TEAD4: variants seen among roughly 807,000 people sequenced by gnomAD.
The protein encoded by TEAD4 is TEA domain transcription factor 4, also known as transcriptional enhancer factor TEF-3.
Under a neutral mutation model 52.4 loss-of-function variants are expected in TEAD4, and 36 were observed. That is an observed-to-expected ratio of 0.69 (90% CI 0.53 to 0.91). TEAD4 has a LOEUF of 0.91. Among genes scored for constraint, TEAD4 ranks in the 40% least tolerant of loss-of-function variants. The pLI is 0.00. For synonymous variants in TEAD4, 220 were observed against 231.0 expected (o/e 0.95, Z 0.43); for missense variants, 508 against 583.9 (o/e 0.87, Z 1.34).
intron 6 of TEAD4, 69 bp downstream of exon 6, chr12:3,017,595 G>A (rs1454711656): frequency 6.6e-7 from 1 of 1,523,692 alleles, no homozygotes; most frequent in African/African-American, 1.4e-5. Flanking sequence ...GTTCAGAAGA[G>A]CCAGAAGCAT....
At chr12:3,016,747 G>A (rs1006266530) in intron 5 of TEAD4, among the ~76,000 whole-genome samples, 1 of 152,152 alleles carries the variant, frequency 6.6e-6, no homozygotes, top group African/African-American at 2.4e-5. Flanking sequence ...TATAACAAAC[G>A]ATTACTATTG....
At chr12:2,965,824 G>A (rs1352011406) in intron 2 of TEAD4, among the ~76,000 whole-genome samples, 2 of 152,162 alleles carry the variant, frequency 1.3e-5, no homozygotes, top group Non-Finnish European at 2.9e-5. Context: ...GATTACAGGC[G>A]TGAGCCACCG....
chr12:2,972,491 CTT>C (rs751852771), intron 2 of TEAD4, among the ~76,000 whole-genome samples: 2,257 of 34,600 alleles, frequency 0.065, 9 homozygotes, highest in South Asian at 0.1. Flanking sequence ...CAGCATGTCT[CTT>C]TTTTTTTTTT....
chr12:3,027,171 T>C (rs2098272599), intron 10 of TEAD4, among the ~76,000 whole-genome samples: 1 of 152,168 alleles, frequency 6.6e-6, no homozygotes, highest in Non-Finnish European at 1.5e-5. Context: ...TTTGTATTTT[T>C]AGTAGAGAGA....
In TEAD4 at chr12:2,994,630, G is replaced by C. The variant is rs1316823744; in HGVS notation, c.-29-108G>C. 1 of 1,390,128 alleles carries C rather than the reference G, an allele frequency of 7.2e-7. No individual in the cohort carries two copies. The highest frequency in any genetic ancestry group is 1.5e-5 in the African/African-American group (1 of 68,654). The allele number at this position is 1,390,128 out of a possible 1,614,324, so 86.1% of individuals were successfully genotyped here. A position where few individuals can be genotyped will look rare whatever the true frequency, so the allele number is the denominator to read the frequency against. On this transcript the variant is annotated intron_variant, in intron 2 of 12. Transcript: ENST00000359864. The surrounding 1 kb of genome is among the most constrained non-coding windows in gnomAD (Gnocchi z 4.7). ...TCACAGATCTTTCACTTCACGCTTT[G>C]CTTCCTGAGCAACTGATTCGGGCTC... is the stretch of plus-strand genomic sequence containing the variant.
intron 3 of TEAD4, among the ~76,000 whole-genome samples, chr12:3,006,093 T>C (rs888246660): frequency 3.3e-4 from 50 of 152,240 alleles, no homozygotes; most frequent in African/African-American, 1.2e-3. Context: ...AATTATTTGA[T>C]TCAATCATTG....
At chr12:3,020,846 G>A (rs942175585) in intron 9 of TEAD4, 73 bp downstream of exon 9, 2 of 1,434,954 alleles carry the variant, frequency 1.4e-6, no homozygotes, top group Non-Finnish European at 1.8e-6. Context: ...CGGCAGTCTT[G>A]CCCCACTCCA....
At chr12:2,995,637 G>A (rs1291250747) in intron 3 of TEAD4, among the ~76,000 whole-genome samples, 8 of 152,076 alleles carry the variant, frequency 5.3e-5, no homozygotes, top group African/African-American at 1.7e-4. Context: ...ACTGTTCAGC[G>A]ATGCATGGGA....
In TEAD4 at chr12:3,011,176, G is replaced by A. The variant is rs556863503; in HGVS notation, c.291+108G>A. On this transcript the variant is annotated intron_variant, in intron 4 of 12. Transcript: ENST00000359864. ...GACCAGACGCAGGCTTTTGAGGGGCGGCAGCTCTGGATGAGTTATCCCTGT... is the reference window on the plus strand; with the variant it reads ...GACCAGACGCAGGCTTTTGAGGGGCAGCAGCTCTGGATGAGTTATCCCTGT... The A allele has an allele frequency of 1.5e-5, 17 of 1,109,156 alleles. No homozygotes were observed. The East Asian group carries it at 3.4e-4, about 22-fold the overall frequency. The allele number at this position is 1,109,156 out of a possible 1,614,324, so 68.7% of individuals were successfully genotyped here. A position where few individuals can be genotyped will look rare whatever the true frequency, so the allele number is the denominator to read the frequency against.
At chr12:3,027,888 C>T (rs921373436) in intron 10 of TEAD4, among the ~76,000 whole-genome samples, 3 of 152,094 alleles carry the variant, frequency 2.0e-5, no homozygotes, top group Admixed American at 6.6e-5. Context: ...TATACAATTC[C>T]GAGTTTTTAA....
At chr12:3,019,277 C>T in intron 8 of TEAD4, 107 bp downstream of exon 8, 1 of 1,281,248 alleles carries the variant, frequency 7.8e-7, no homozygotes, top group Non-Finnish European at 1.1e-6. Flanking sequence ...TAGATGCTGC[C>T]CCGTCATGCA....
At chr12:2,982,740 C>T (rs1231367780) in intron 2 of TEAD4, among the ~76,000 whole-genome samples, 1 of 152,220 alleles carries the variant, frequency 6.6e-6, no homozygotes, top group Admixed American at 6.5e-5. Context: ...GGCCCAGGGC[C>T]TTGGATGACC....
At chr12:3,003,658 G>C (rs371391502) in intron 3 of TEAD4, among the ~76,000 whole-genome samples, 1 of 152,186 alleles carries the variant, frequency 6.6e-6, no homozygotes, top group East Asian at 1.9e-4. Flanking sequence ...GTGGGGCCGT[G>C]GGTGTGAGCT....
Position 3,011,073 on chromosome 12 carries a change from G to T in TEAD4, c.291+5G>T, listed in dbSNP as rs1246672941. 1 of 1,613,932 alleles carries T rather than the reference G, an allele frequency of 6.2e-7. No individual in the cohort carries two copies. The highest frequency in any genetic ancestry group is 8.5e-7 in the Non-Finnish European group (1 of 1,179,978). ...AAGACCCGCACCAGGAAGCAGGTGGGCCTCAAGAGACGGGTAGGGGTCCCG... is the reference window on the plus strand; with the variant it reads ...AAGACCCGCACCAGGAAGCAGGTGGTCCTCAAGAGACGGGTAGGGGTCCCG... On this transcript the variant is annotated splice_donor_5th_base_variant and intron_variant, in intron 4 of 12. Coordinates refer to ENST00000359864, the MANE Select transcript of TEAD4 (RefSeq NM_003213.4).
chr12:3,012,357 A>T (rs1007586494), intron 5 of TEAD4, 125 bp downstream of exon 5: 28 of 1,096,448 alleles, frequency 2.6e-5, no homozygotes, highest in Non-Finnish European at 3.4e-5. Context: ...TGTTGAGGAG[A>T]GCCAGGTTGG....
intron 3 of TEAD4, among the ~76,000 whole-genome samples, chr12:2,997,365 G>T (rs2098248072): frequency 6.6e-6 from 1 of 152,206 alleles, no homozygotes; most frequent in South Asian, 2.1e-4. Flanking sequence ...GAAGCGTCAT[G>T]GGGGAGACAG....
intron 2 of TEAD4, among the ~76,000 whole-genome samples, chr12:2,983,240 A>G (rs2098235534): frequency 6.6e-6 from 1 of 152,232 alleles, no homozygotes; most frequent in Non-Finnish European, 1.5e-5. Flanking sequence ...TGGCTTAGTA[A>G]CAATGAAGAC....
chr12:2,960,323 C>T (rs2098214266), intron 2 of TEAD4: 1 of 985,500 alleles, frequency 1.0e-6, no homozygotes, highest in Non-Finnish European at 1.2e-6. Context: ...CTGCTGGGCC[C>T]TTTTCGAGCC....
At chr12:2,979,691 T>C (rs1445054259) in intron 2 of TEAD4, among the ~76,000 whole-genome samples, 1 of 152,218 alleles carries the variant, frequency 6.6e-6, no homozygotes, top group Non-Finnish European at 1.5e-5. Context: ...TACTTGCATC[T>C]TCATAGATGA....
Sources: gnomAD v4.1 joint callset for allele counts (sites outside exome capture counted in the v4.1 genomes callset) on GRCh38, gnomAD v4.1.1 for gene constraint, Gnocchi (gnomAD v3.1) non-coding constraint, MANE v1.5 for transcripts, NCBI Gene and HGNC (gene_info 2026-07-23, HGNC 2026-07-21) for gene names.